MLIP: variants seen among roughly 807,000 people sequenced by gnomAD.
MLIP encodes the protein muscular LMNA-interacting protein.
MLIP carries 79 observed loss-of-function variants against 84.8 expected under a neutral mutation model. That is an observed-to-expected ratio of 0.93 (90% CI 0.78 to 1.12). The LOEUF is 1.12. MLIP is among the 50% of genes most tolerant of loss of function. The pLI is 0.00. For synonymous variants in MLIP, 504 were observed against 463.0 expected, an observed-to-expected ratio of 1.09 and a Z score of -1.14; for missense variants, 1,257 against 1,160.6, an observed-to-expected ratio of 1.08 and a Z score of -1.21.
chr6:54,147,216 G>A (rs1156745997), intron 4 of MLIP, among the ~76,000 whole-genome samples: 3 of 152,274 alleles, frequency 2.0e-5, no homozygotes, highest in African/African-American at 4.8e-5. Flanking sequence ...GAGAAAGCAC[G>A]TATATTGGAC....
At chr6:54,254,783 T>TCC (rs1554195184) in intron 12 of MLIP, among the ~76,000 whole-genome samples, 6 of 121,606 alleles carry the variant, frequency 4.9e-5, no homozygotes, top group African/African-American at 1.7e-4. Flanking sequence ...CTCCCTCCCT[T>TCC]CCCCCCCCAC....
intron 1 of MLIP, among the ~76,000 whole-genome samples, chr6:54,082,036 T>A (rs1325290920): frequency 1.3e-5 from 2 of 152,196 alleles, no homozygotes; most frequent in East Asian, 3.8e-4. Flanking sequence ...ATTCTCATTA[T>A]AACTATATAT....
chr6:54,048,325 T>C (rs1389009611), intron 1 of MLIP, among the ~76,000 whole-genome samples: 2 of 152,128 alleles, frequency 1.3e-5, no homozygotes, highest in African/African-American at 2.4e-5. Context: ...CTGAAATCAT[T>C]ATGGAAAATG....
intron 3 of MLIP, among the ~76,000 whole-genome samples, chr6:54,129,217 C>T (rs1169725879): frequency 3.3e-5 from 5 of 152,012 alleles, no homozygotes; most frequent in Admixed American, 6.5e-5. Flanking sequence ...CCATATACCC[C>T]CAGGCCTCAA....
At chr6:54,264,162 A>G (rs1395852836) in intron 13 of MLIP, among the ~76,000 whole-genome samples, 1 of 152,194 alleles carries the variant, frequency 6.6e-6, no homozygotes, top group Non-Finnish European at 1.5e-5. Flanking sequence ...TCAGAGGATG[A>G]TCTGCCTATG....
At chr6:54,221,023 TA>T (rs1316275767) in intron 11 of MLIP, among the ~76,000 whole-genome samples, 1 of 152,174 alleles carries the variant, frequency 6.6e-6, no homozygotes, top group African/African-American at 2.4e-5. Context: ...TTTCTCAAGT[TA>T]TCTCATGGCA....
intron 1 of MLIP, among the ~76,000 whole-genome samples, chr6:54,036,187 CAT>C (rs938250740): frequency 4.0e-5 from 6 of 151,036 alleles, no homozygotes; most frequent in African/African-American, 1.5e-4. Context: ...TTAGAAATAA[CAT>C]GTGCAAAAGT....
intron 12 of MLIP, among the ~76,000 whole-genome samples, chr6:54,235,984 A>G (rs1023055982): frequency 6.6e-6 from 1 of 152,150 alleles, no homozygotes; most frequent in East Asian, 1.9e-4. Context: ...TACAGCTTAC[A>G]TGGGAGAACA....
At position 54,066,106 on chromosome 6, in the gene MLIP, GA is replaced by G. The variant is rs1245751929; in HGVS notation, c.63+47017del. Among the ~76,000 whole-genome samples, 128 of 98,276 alleles carry G rather than the reference GA, an allele frequency of 1.3e-3. 14 individuals carry two copies. The highest frequency in any genetic ancestry group is 3.2e-3 in the African/African-American group (125 of 38,788). The allele number at this position is 98,276 out of a possible 152,430, so 64.5% of individuals were successfully genotyped here. On this transcript the variant is annotated intron_variant, in intron 1 of 12. Coordinates refer to the MLIP transcript ENST00000274897. Reference sequence around the variant, plus strand: ...TTAATGATTTTTCTATTGACAATTTGAACTGTTTTTGTATTTTCCTTTAAAC... The same window carrying G: ...TTAATGATTTTTCTATTGACAATTTGACTGTTTTTGTATTTTCCTTTAAAC...
intron 12 of MLIP, among the ~76,000 whole-genome samples, chr6:54,254,948 C>G (rs1331803205): frequency 6.6e-6 from 1 of 152,088 alleles, no homozygotes; most frequent in Non-Finnish European, 1.5e-5. Flanking sequence ...ACTTGAACGA[C>G]TTCTCACTGC....
intron 10 of MLIP, among the ~76,000 whole-genome samples, chr6:54,195,219 T>C (rs1477781584): frequency 2.0e-5 from 3 of 152,080 alleles, no homozygotes; most frequent in African/African-American, 7.2e-5. Context: ...ATTAGTAGAA[T>C]TTCCAGCCAG....
chr6:54,205,419 T>C (rs1384307236), intron 11 of MLIP, among the ~76,000 whole-genome samples: 1 of 152,220 alleles, frequency 6.6e-6, no homozygotes, highest in Non-Finnish European at 1.5e-5. Context: ...TAATCTGCCT[T>C]GTACTGGGGA....
intron 8 of MLIP, among the ~76,000 whole-genome samples, chr6:54,168,849 A>C (rs1017681438): frequency 7.5e-6 from 1 of 132,836 alleles, no homozygotes; most frequent in African/African-American, 2.8e-5. Flanking sequence ...TTTAGGGTTG[A>C]GGTCTTTTTT....
At chr6:54,165,257 A>C (rs573780467) in intron 8 of MLIP, among the ~76,000 whole-genome samples, 1 of 151,776 alleles carries the variant, frequency 6.6e-6, no homozygotes, top group African/African-American at 2.4e-5. Context: ...CTTCCTCTCC[A>C]CCCTGGTGAC....
At chr6:54,139,273 T>A (rs1341575550) in intron 4 of MLIP, among the ~76,000 whole-genome samples, 1 of 152,136 alleles carries the variant, frequency 6.6e-6, no homozygotes, top group Admixed American at 6.5e-5. Context: ...AGAAAACCAA[T>A]ATAAGGCAAA....
chr6:54,233,621 T>A (rs998914559), intron 12 of MLIP, among the ~76,000 whole-genome samples: 6 of 152,224 alleles, frequency 3.9e-5, no homozygotes, highest in African/African-American at 1.4e-4. Context: ...CTATTGTGAA[T>A]AGTGCTGCAA....
intron 13 of MLIP, 36 bp from the exon 14 acceptor site, chr6:54,265,914 A>T (rs747623936): frequency 6.3e-7 from 1 of 1,597,638 alleles, no homozygotes; most frequent in East Asian, 2.2e-5. Flanking sequence ...AAATTTATTC[A>T]TCTTAACCTG....
upstream of MLIP, among the ~76,000 whole-genome samples, chr6:54,108,690 T>C (rs1769198765): frequency 6.6e-6 from 1 of 152,172 alleles, no homozygotes; most frequent in Admixed American, 6.5e-5. Flanking sequence ...GTCAAAATAA[T>C]AAATTGGTTT....
At chr6:54,154,218 A>C (rs896181006) in intron 5 of MLIP, among the ~76,000 whole-genome samples, 1 of 152,144 alleles carries the variant, frequency 6.6e-6, no homozygotes, top group East Asian at 1.9e-4. Context: ...AAAATTTCCA[A>C]TTTTATTCCA....
Sources: allele counts gnomAD v4.1 joint callset (sites outside exome capture counted in the v4.1 genomes callset), GRCh38; gene constraint gnomAD v4.1.1; transcripts MANE v1.5; gene names NCBI Gene and HGNC (gene_info 2026-07-23, HGNC 2026-07-21).